Variants in C11orf65 observed in about 807,000 individuals in gnomAD.
C11orf65 encodes chromosome 11 open reading frame 65.
A neutral mutation model predicts 35.3 loss-of-function variants in C11orf65; 38 were observed. The ratio of observed to expected loss-of-function variants is 1.08; its 90% CI spans 0.83 to 1.41. The LOEUF (loss-of-function observed/expected upper bound fraction) is 1.41. C11orf65 is among the 40% of genes most tolerant of loss of function. The pLI is 0.00. For missense variants in C11orf65, 370 were observed against 367.1 expected, an observed-to-expected ratio of 1.01 and a Z score of -0.06; for synonymous variants, 105 against 114.4, an observed-to-expected ratio of 0.92 and a Z score of 0.53.
At chr11:108,449,761 G>A (rs1311031400) in intron 2 of C11orf65, among the ~76,000 whole-genome samples, 1 of 151,940 alleles carries the variant, frequency 6.6e-6, no homozygotes, top group South Asian at 2.1e-4. Context: ...AAAAGCAATG[G>A]CAACAAAAGC....
intron 2 of C11orf65, among the ~76,000 whole-genome samples, chr11:108,376,088 G>A (rs988878528): frequency 1.3e-5 from 2 of 152,096 alleles, no homozygotes; most frequent in African/African-American, 4.8e-5. Flanking sequence ...GAGACAAAAA[G>A]TCAACAAGGA....
intron 1 of C11orf65, among the ~76,000 whole-genome samples, chr11:108,461,773 G>A (rs1446373222): frequency 1.3e-5 from 2 of 151,930 alleles, no homozygotes; most frequent in Admixed American, 6.6e-5. Flanking sequence ...GATTGTAGGC[G>A]TGCACCATCA....
At chr11:108,449,066 C>A (rs544237655) in intron 2 of C11orf65, among the ~76,000 whole-genome samples, 1 of 152,194 alleles carries the variant, frequency 6.6e-6, no homozygotes, top group Non-Finnish European at 1.5e-5. Flanking sequence ...ACCTGGGAAT[C>A]CAACTTACAA....
chr11:108,332,933 C>G (rs2086439495), intron 3 of C11orf65: 1 of 1,600,014 alleles, frequency 6.2e-7, no homozygotes, highest in Admixed American at 1.7e-5. Flanking sequence ...ACGTTACTTT[C>G]TTGCTGTGTT....
intron 2 of C11orf65, among the ~76,000 whole-genome samples, chr11:108,356,262 G>A (rs751786588): frequency 7.9e-5 from 12 of 152,104 alleles, no homozygotes; most frequent in African/African-American, 1.2e-4. Flanking sequence ...AGGGCTGGGC[G>A]CGGTGGCTCA....
At chr11:108,461,409 A>C in intron 2 of C11orf65, 70 bp downstream of exon 2, 1 of 1,261,240 alleles carries the variant, frequency 7.9e-7, no homozygotes, top group Non-Finnish European at 1.1e-6. Context: ...TAAAAAAAAA[A>C]ATTGAACTGT....
chr11:108,339,139 T>C (rs1364835958), intron 2 of C11orf65, among the ~76,000 whole-genome samples: 1 of 152,222 alleles, frequency 6.6e-6, no homozygotes, highest in Non-Finnish European at 1.5e-5. Context: ...AGCTCAGACA[T>C]AGCCCTTAAC....
intron 6 of C11orf65, chr11:108,320,102 C>A (rs2136224344): frequency 1.4e-6 from 2 of 1,395,646 alleles, no homozygotes; most frequent in South Asian, 1.2e-5. Flanking sequence ...CATTTAATGT[C>A]ATGGCTTCTT....
chr11:108,344,488 G>T (rs1024539253), intron 2 of C11orf65, among the ~76,000 whole-genome samples: 1 of 152,130 alleles, frequency 6.6e-6, no homozygotes, highest in African/African-American at 2.4e-5. Flanking sequence ...AAAGGAGTTT[G>T]CACCTTATGC....
chr11:108,365,761 C>G lies in C11orf65; in HGVS notation c.226+27447G>C, dbSNP rs1376021171. The G allele has an allele frequency of 6.0e-6, 3 of 502,050 alleles. No individual in the cohort carries two copies. The Admixed American group carries it at 1.0e-4, about 17-fold the overall frequency. The allele number at this position is 502,050 out of a possible 1,614,324, so 31.1% of individuals were successfully genotyped here. A position where few individuals can be genotyped will look rare whatever the true frequency, so the allele number is the denominator to read the frequency against. On this transcript the variant is annotated intron_variant, in intron 2 of 3. Coordinates refer to the C11orf65 transcript ENST00000524755. ...GGGCGCAGCGGCTCACGCCTGTAAT[C>G]CCAGCACTTTGGGAGGCCGAGGTGA...
intron 2 of C11orf65, chr11:108,364,994 C>T (rs2091181590): frequency 1.3e-6 from 2 of 1,484,266 alleles, no homozygotes; most frequent in Non-Finnish European, 1.9e-6. Context: ...ATGTGACTGG[C>T]TTATTTGTAT....
At chr11:108,379,865 C>T (rs1168886135), downstream of C11orf65, among the ~76,000 whole-genome samples, 4 of 152,000 alleles carry the variant, frequency 2.6e-5, no homozygotes, top group Non-Finnish European at 2.9e-5. Context: ...AGTAAATAGT[C>T]ATGGATATAA....
At chr11:108,312,332 G>T (rs1214927404) in intron 6 of C11orf65, 3 of 1,096,714 alleles carry the variant, frequency 2.7e-6, no homozygotes, top group Non-Finnish European at 2.8e-6. Context: ...GTTTTTTTCT[G>T]TCAAAGTCTA....
At chr11:108,450,202 A>G (rs920209722) in intron 2 of C11orf65, among the ~76,000 whole-genome samples, 4 of 151,996 alleles carry the variant, frequency 2.6e-5, no homozygotes, top group African/African-American at 9.7e-5. Flanking sequence ...AAACTAGTTC[A>G]ACCATTGTGG....
chr11:108,376,549 C>T (rs1271521983), intron 2 of C11orf65, among the ~76,000 whole-genome samples: 11 of 151,266 alleles, frequency 7.3e-5, no homozygotes, highest in Non-Finnish European at 1.5e-4. Context: ...AATTGACACC[C>T]TAACATCACA....
At chr11:108,429,177 AATT>A (rs1441165164) in intron 3 of C11orf65, among the ~76,000 whole-genome samples, 1 of 152,046 alleles carries the variant, frequency 6.6e-6, no homozygotes, top group African/African-American at 2.4e-5. Context: ...GAAAAAAACA[AATT>A]AAAAAGGCAC....
intron 2 of C11orf65, among the ~76,000 whole-genome samples, chr11:108,359,276 G>C (rs1229675659): frequency 1.3e-5 from 2 of 151,232 alleles, no homozygotes; most frequent in Non-Finnish European, 3.0e-5. Context: ...CCCAATACAG[G>C]AGCACCCAGA....
At chr11:108,387,367 C>T (rs903980089) in intron 7 of C11orf65, among the ~76,000 whole-genome samples, 1 of 151,726 alleles carries the variant, frequency 6.6e-6, no homozygotes, top group Admixed American at 6.6e-5. Flanking sequence ...GTTGGCCAGG[C>T]TGGTCTCGAA....
chr11:108,411,968 G>A (rs146935358), intron 3 of C11orf65, among the ~76,000 whole-genome samples: 14,288 of 151,700 alleles, frequency 0.094, 1,018 homozygotes, highest in East Asian at 0.34. Flanking sequence ...TAGAGACGGG[G>A]TTTCACCACG....
Sources: gnomAD v4.1 joint callset for allele counts (sites outside exome capture counted in the v4.1 genomes callset) on GRCh38, gnomAD v4.1.1 for gene constraint, MANE v1.5 for transcripts, NCBI Gene and HGNC (gene_info 2026-07-23, HGNC 2026-07-21) for gene names.